The following LPP variants were observed in gnomAD, a reference collection of about 807,000 sequenced individuals.
LPP encodes the protein LIM domain containing preferred translocation partner in lipoma.
A neutral mutation model predicts 60.4 loss-of-function variants in LPP; 38 were observed. The observed-to-expected ratio is 0.63, with a 90% CI of 0.49 to 0.83. The LOEUF (loss-of-function observed/expected upper bound fraction) is 0.83. Among genes scored for constraint, LPP ranks in the 40% least tolerant of loss-of-function variants. The pLI is 0.00. For synonymous variants in LPP, 328 were observed against 290.8 expected, an observed-to-expected ratio of 1.13 and a Z score of -1.30; for missense variants, 902 against 783.6, an observed-to-expected ratio of 1.15 and a Z score of -1.80.
intron 1 of LPP, among the ~76,000 whole-genome samples, chr3:188,222,886 G>T (rs1716322935): frequency 6.6e-6 from 1 of 152,024 alleles, no homozygotes; most frequent in Non-Finnish European, 1.5e-5. Context: ...TTTGAGGTCA[G>T]GAGTATATTT....
intron 4 of LPP, among the ~76,000 whole-genome samples, chr3:188,408,923 C>T (rs926303543): frequency 6.6e-6 from 1 of 152,132 alleles, no homozygotes; most frequent in African/African-American, 2.4e-5. Context: ...TACAGTGATA[C>T]ATCCCTGCAT....
intron 4 of LPP, among the ~76,000 whole-genome samples, chr3:188,477,039 C>G (rs1803418648): frequency 6.6e-6 from 1 of 152,204 alleles, no homozygotes; most frequent in South Asian, 2.1e-4. Flanking sequence ...AGTGCTTGCT[C>G]TCCCTCTGGG....
At chr3:188,844,527 G>A (rs1348804335) in intron 9 of LPP, among the ~76,000 whole-genome samples, 2 of 152,148 alleles carry the variant, frequency 1.3e-5, no homozygotes, top group East Asian at 3.8e-4. Context: ...CAGTAAAGGA[G>A]AATATTTTTC....
intron 7 of LPP, among the ~76,000 whole-genome samples, chr3:188,698,986 A>T (rs1361851091): frequency 6.6e-6 from 1 of 152,208 alleles, no homozygotes; most frequent in Non-Finnish European, 1.5e-5. Flanking sequence ...CATTCTGCAA[A>T]CATTCTGCTT....
chr3:188,380,247 T>A (rs11709294), intron 3 of LPP, among the ~76,000 whole-genome samples: 52,739 of 152,252 alleles, frequency 0.35, 10,661 homozygotes, highest in Middle Eastern at 0.61. Context: ...TTTAAACTAC[T>A]AGAGGCATGG....
At chr3:188,792,047 A>G (rs902354526) in intron 9 of LPP, among the ~76,000 whole-genome samples, 1 of 152,088 alleles carries the variant, frequency 6.6e-6, no homozygotes, top group African/African-American at 2.4e-5. Context: ...AACCCAACCA[A>G]GTGCCCTGTT....
intron 4 of LPP, among the ~76,000 whole-genome samples, chr3:188,428,807 A>G (rs1298494482): frequency 6.6e-6 from 1 of 152,114 alleles, no homozygotes; most frequent in East Asian, 1.9e-4. Flanking sequence ...TGCCTTCATA[A>G]CATGAGATTA....
chr3:188,434,800 T>A (rs962740100), intron 4 of LPP, among the ~76,000 whole-genome samples: 9 of 152,196 alleles, frequency 5.9e-5, no homozygotes, highest in Non-Finnish European at 1.5e-5. Flanking sequence ...AATTAGATGA[T>A]GTCATAAATT....
At chr3:188,310,431 A>G (rs751766667) in intron 2 of LPP, among the ~76,000 whole-genome samples, 1 of 152,184 alleles carries the variant, frequency 6.6e-6, no homozygotes, top group Non-Finnish European at 1.5e-5. Context: ...GCAAGAAAGC[A>G]AAGTGAACTT....
intron 9 of LPP, among the ~76,000 whole-genome samples, chr3:188,829,007 T>A (rs891870836): frequency 2.6e-5 from 4 of 152,174 alleles, no homozygotes; most frequent in Admixed American, 2.0e-4. Context: ...CCTACTAGAT[T>A]GTGATCTTTT....
At chr3:188,292,071 A>G (rs1271054675) in intron 2 of LPP, among the ~76,000 whole-genome samples, 1 of 152,234 alleles carries the variant, frequency 6.6e-6, no homozygotes, top group Non-Finnish European at 1.5e-5. Context: ...TTAAACAGCA[A>G]TGAGTCTCTA....
intron 6 of LPP, among the ~76,000 whole-genome samples, chr3:188,593,153 G>GGT (rs10678737): frequency 0.027 from 4,018 of 148,004 alleles, 119 homozygotes; most frequent in African/African-American, 0.077. Flanking sequence ...TCTGATGCCT[G>GGT]GTGTGTGTGT....
At chr3:188,788,792 C>T (rs972491916) in intron 9 of LPP, among the ~76,000 whole-genome samples, 1 of 152,204 alleles carries the variant, frequency 6.6e-6, no homozygotes, top group Non-Finnish European at 1.5e-5. Flanking sequence ...AGCACGCCCC[C>T]CCGGCTCTAA....
At chr3:188,465,541 G>A (rs948105369) in intron 4 of LPP, among the ~76,000 whole-genome samples, 5 of 152,090 alleles carry the variant, frequency 3.3e-5, no homozygotes, top group South Asian at 2.1e-4. Flanking sequence ...TGTGTGTGTC[G>A]GCTCATGTCA....
intron 9 of LPP, among the ~76,000 whole-genome samples, chr3:188,832,846 G>A (rs1353707985): frequency 1.3e-5 from 2 of 152,140 alleles, no homozygotes; most frequent in Non-Finnish European, 2.9e-5. Flanking sequence ...GCTGGTGAGG[G>A]GTTCCTGGTT....
intron 9 of LPP, among the ~76,000 whole-genome samples, chr3:188,821,690 C>T (rs954357124): frequency 6.6e-6 from 1 of 151,962 alleles, no homozygotes. Context: ...TACATGTACA[C>T]GTTACAATAT....
intron 3 of LPP, among the ~76,000 whole-genome samples, chr3:188,389,138 T>C (rs1372069276): frequency 6.6e-6 from 1 of 151,346 alleles, no homozygotes; most frequent in Non-Finnish European, 1.5e-5. Flanking sequence ...TGTGTGCGTA[T>C]GTGTGTGTGT....
intron 2 of LPP, among the ~76,000 whole-genome samples, chr3:188,231,868 C>T (rs1325940082): frequency 6.6e-6 from 1 of 152,178 alleles, no homozygotes; most frequent in Admixed American, 6.5e-5. Flanking sequence ...CAGGGGTCTG[C>T]GTCTCCTGGT....
intron 4 of LPP, among the ~76,000 whole-genome samples, chr3:188,407,772 T>TTG (rs1783893683): frequency 1.1e-5 from 1 of 94,534 alleles, no homozygotes; most frequent in Non-Finnish European, 2.2e-5. Context: ...TTTATGGTTT[T>TTG]TTTTTTTGTT....
Sources: allele counts gnomAD v4.1 joint callset (sites outside exome capture counted in the v4.1 genomes callset), GRCh38; gene constraint gnomAD v4.1.1; transcripts MANE v1.5; gene names NCBI Gene and HGNC (gene_info 2026-07-23, HGNC 2026-07-21).